The following FBXW4 variants were observed in gnomAD, a reference collection of about 807,000 sequenced individuals.
The protein encoded by FBXW4 is F-box and WD repeat domain containing 4, also known as F-box/WD repeat-containing protein 4.
A neutral mutation model predicts 61.8 loss-of-function variants in FBXW4; 40 were observed. That is an observed-to-expected ratio of 0.65 (90% CI 0.50 to 0.84). FBXW4 has a LOEUF of 0.84. FBXW4 is among the 40% of genes least tolerant of loss of function. The pLI, the probability that FBXW4 is intolerant of heterozygous loss-of-function variation, is 0.00. For synonymous variants in FBXW4, 311 were observed against 313.8 expected, an observed-to-expected ratio of 0.99 and a Z score of 0.10; for missense variants, 672 against 753.8, an observed-to-expected ratio of 0.89 and a Z score of 1.27.
chr10:101,631,908 T>G (rs2063961780), intron 5 of FBXW4, among the ~76,000 whole-genome samples: 1 of 152,226 alleles, frequency 6.6e-6, no homozygotes, highest in Non-Finnish European at 1.5e-5. Flanking sequence ...ATTATAGGCG[T>G]GAGCCACCGT....
At position 101,694,365 on chromosome 10, in the gene FBXW4, G is replaced by A; in HGVS notation, c.725+16C>T. ...CCGGCTCGGGGCGGGGAGCGGGCGGGCGAGCGGACGCTTACAGGTCGGTGC... is the reference window on the plus strand; with the variant it reads ...CCGGCTCGGGGCGGGGAGCGGGCGGACGAGCGGACGCTTACAGGTCGGTGC... On this transcript the variant is annotated intron_variant, in intron 1 of 8. Coordinates refer to ENST00000331272, the MANE Select transcript of FBXW4 (RefSeq NM_022039.4). The surrounding 1 kb of genome is among the most constrained non-coding windows in gnomAD (Gnocchi z 6.0). 2 of 1,361,010 alleles carry A rather than the reference G, an allele frequency of 1.5e-6. No individual in the cohort carries two copies. The highest frequency in any genetic ancestry group is 1.8e-5 in the South Asian group (1 of 55,750). The allele number at this position is 1,361,010 out of a possible 1,614,324, so 84.3% of individuals were successfully genotyped here.
chr10:101,625,814 G>C (rs181726096), intron 5 of FBXW4: 3 of 152,262 alleles, frequency 2.0e-5, no homozygotes, highest in Admixed American at 2.0e-4. Context: ...GTCTTTCATG[G>C]GGGGGAAGGA....
At chr10:101,679,261 A>T (rs1035772486) in intron 1 of FBXW4, among the ~76,000 whole-genome samples, 1 of 152,228 alleles carries the variant, frequency 6.6e-6, no homozygotes, top group African/African-American at 2.4e-5. Flanking sequence ...CTGGATCATT[A>T]TTCCAATTGT....
chr10:101,614,850 G>A (rs1343261391), intron 6 of FBXW4, among the ~76,000 whole-genome samples: 1 of 152,118 alleles, frequency 6.6e-6, no homozygotes, highest in Non-Finnish European at 1.5e-5. Context: ...GAGCCCTGCT[G>A]GGGCTTTGAT....
intron 5 of FBXW4, among the ~76,000 whole-genome samples, chr10:101,658,779 C>T (rs1222359234): frequency 6.6e-6 from 1 of 152,066 alleles, no homozygotes; most frequent in Non-Finnish European, 1.5e-5. Context: ...TTAGAAACCC[C>T]TACCCAGCCC....
chr10:101,631,765 A>C (rs1488728093), intron 5 of FBXW4, among the ~76,000 whole-genome samples: 2 of 152,044 alleles, frequency 1.3e-5, no homozygotes, highest in South Asian at 2.1e-4. Context: ...GTAGCTGGGA[A>C]TATAGGCGCA....
At chr10:101,635,928 C>T (rs559335075) in intron 5 of FBXW4, among the ~76,000 whole-genome samples, 100 of 151,322 alleles carry the variant, frequency 6.6e-4, no homozygotes, top group African/African-American at 2.3e-3. Flanking sequence ...GGGGGGCGGG[C>T]GGAGGGAAGA....
intron 5 of FBXW4, among the ~76,000 whole-genome samples, chr10:101,631,760 T>C (rs1319396331): frequency 6.6e-6 from 1 of 152,018 alleles, no homozygotes; most frequent in East Asian, 1.9e-4. Flanking sequence ...CCCAAGTAGC[T>C]GGGAATATAG....
intron 1 of FBXW4, among the ~76,000 whole-genome samples, chr10:101,692,494 G>A (rs987083385): frequency 6.6e-6 from 1 of 151,980 alleles, no homozygotes; most frequent in African/African-American, 2.4e-5. Context: ...CATGGCTCAT[G>A]CCTGTAATCC....
At chr10:101,682,090 T>C (rs2064484023) in intron 1 of FBXW4, among the ~76,000 whole-genome samples, 1 of 152,202 alleles carries the variant, frequency 6.6e-6, no homozygotes, top group Admixed American at 6.5e-5. Flanking sequence ...AAAAGTTAAT[T>C]ATCTTTACAT....
At position 101,611,865 on chromosome 10, in the gene FBXW4, G is replaced by A; in HGVS notation, c.1443-96C>T. Reference sequence around the variant, plus strand: ...TAGAGTGGCTGAGGGGAGCGTTAAGGAGCCATTCCGGGATGGAAGAGAAAG... The same window carrying A: ...TAGAGTGGCTGAGGGGAGCGTTAAGAAGCCATTCCGGGATGGAAGAGAAAG... On this transcript the variant is annotated intron_variant, in intron 7 of 8. Coordinates refer to ENST00000331272, the MANE Select transcript of FBXW4 (RefSeq NM_022039.4). The surrounding 1 kb of genome is among the most constrained non-coding windows in gnomAD (Gnocchi z 4.9). 1 of 1,395,380 alleles carries A rather than the reference G, an allele frequency of 7.2e-7. No individual in the cohort carries two copies. Among genetic ancestry groups the A allele is most frequent in the Non-Finnish European group, 9.6e-7 (1 of 1,042,172 alleles). 86.4% of individuals were successfully genotyped at this position (1,395,380 alleles called of 1,614,324 possible).
At chr10:101,691,566 T>C (rs917034873) in intron 1 of FBXW4, among the ~76,000 whole-genome samples, 2 of 151,570 alleles carry the variant, frequency 1.3e-5, no homozygotes, top group Non-Finnish European at 2.9e-5. Context: ...ATTCACTTTC[T>C]TTTTTTTTGT....
intron 6 of FBXW4, among the ~76,000 whole-genome samples, chr10:101,623,542 T>C (rs938917906): frequency 1.3e-5 from 2 of 152,160 alleles, no homozygotes; most frequent in Non-Finnish European, 2.9e-5. Flanking sequence ...GTAAAAAAAC[T>C]AAGCATACAC....
chr10:101,620,621 T>C (rs2063860448), intron 6 of FBXW4, among the ~76,000 whole-genome samples: 1 of 152,192 alleles, frequency 6.6e-6, no homozygotes, highest in South Asian at 2.1e-4. Flanking sequence ...ACTGAGGCCA[T>C]AGTTGTTTGT....
At position 101,694,273 on chromosome 10, in the gene FBXW4, ACT is replaced by A; in HGVS notation, c.725+106_725+107del. 9.1e-7 allele frequency: 1 copy of A among 1,095,594 alleles called. No homozygotes were observed. The highest frequency in any genetic ancestry group is 1.2e-6 in the Non-Finnish European group (1 of 839,812). The allele number at this position is 1,095,594 out of a possible 1,614,324, so 67.9% of individuals were successfully genotyped here. ...GCGGAGGTCAGGTGTAGGCCTAGAA[ACT>A]CGGGGTGCGACACGACCCTGGGCCG... On this transcript the variant is annotated intron_variant, in intron 1 of 8. Coordinates refer to ENST00000331272, the MANE Select transcript of FBXW4 (RefSeq NM_022039.4). This position sits in a 1 kb window ranked among gnomAD's most constrained non-coding sequence, Gnocchi z 6.0.
Position 101,667,875 on chromosome 10 carries a change from G to A in FBXW4, c.1235+11C>T, listed in dbSNP as rs1006632945. 3.7e-6 allele frequency: 6 copies of A among 1,608,138 alleles called. No individual in the cohort carries two copies. Among genetic ancestry groups the A allele is most frequent in the Admixed American group, 3.3e-5 (2 of 60,002 alleles). Reference sequence around the variant, plus strand: ...ACAGGACAAAACCACATCCAAATATGTCTCCCTTACCTGAGTAATGGGCTG... The same window carrying A: ...ACAGGACAAAACCACATCCAAATATATCTCCCTTACCTGAGTAATGGGCTG... On this transcript the variant is annotated intron_variant, in intron 5 of 8. Coordinates refer to ENST00000331272, the MANE Select transcript of FBXW4 (RefSeq NM_022039.4).
chr10:101,687,996 G>A (rs1002546607), intron 1 of FBXW4, among the ~76,000 whole-genome samples: 6 of 152,218 alleles, frequency 3.9e-5, no homozygotes, highest in Non-Finnish European at 8.8e-5. Flanking sequence ...ATTCCCCAAA[G>A]GTGACAGCCA....
At chr10:101,675,216 CATT>C (rs2064396054) in intron 2 of FBXW4, among the ~76,000 whole-genome samples, 2 of 152,280 alleles carry the variant, frequency 1.3e-5, no homozygotes, top group Admixed American at 6.5e-5. Context: ...CTCTCTCACT[CATT>C]ATGCACATTC....
At chr10:101,648,087 C>T (rs2064115986) in intron 5 of FBXW4, among the ~76,000 whole-genome samples, 1 of 152,152 alleles carries the variant, frequency 6.6e-6, no homozygotes, top group Non-Finnish European at 1.5e-5. Context: ...GGGATTAGGC[C>T]TCCATTAGGG....
Sources: allele counts gnomAD v4.1 joint callset (sites outside exome capture counted in the v4.1 genomes callset), GRCh38; gene constraint gnomAD v4.1.1; non-coding constraint Gnocchi (gnomAD v3.1); transcripts MANE v1.5; gene names NCBI Gene and HGNC (gene_info 2026-07-23, HGNC 2026-07-21).